SYTL2: variants seen among roughly 807,000 people sequenced by gnomAD.
SYTL2 encodes synaptotagmin-like protein 2.
SYTL2 carries 165 observed loss-of-function variants against 198.7 expected under a neutral mutation model. That is an observed-to-expected ratio of 0.83 (90% CI 0.73 to 0.94). SYTL2 has a LOEUF of 0.94. Among genes scored for constraint, SYTL2 ranks in the 40% least tolerant of loss-of-function variants. The pLI, the probability that SYTL2 is intolerant of heterozygous loss-of-function variation, is 0.00. For synonymous variants in SYTL2, 966 were observed against 917.7 expected, an observed-to-expected ratio of 1.05 and a Z score of -0.95; for missense variants, 2,835 against 2,582.8, an observed-to-expected ratio of 1.10 and a Z score of -2.12.
At chr11:85,821,862 G>C in the SYTL2 span, among the ~76,000 whole-genome samples, 1 of 152,204 alleles carries the variant, frequency 6.6e-6, no homozygotes, top group African/African-American at 2.4e-5. Flanking sequence ...CAGTGGGAGA[G>C]CACAACCACT....
intron 1 of SYTL2, among the ~76,000 whole-genome samples, chr11:85,805,621 G>A (rs1448379382): frequency 6.6e-6 from 1 of 152,182 alleles, no homozygotes; most frequent in African/African-American, 2.4e-5. Flanking sequence ...TGGCCGGGAG[G>A]GATGGCAGCA....
At chr11:85,800,452 A>AT (rs34340895) in intron 1 of SYTL2, among the ~76,000 whole-genome samples, 67,392 of 150,888 alleles carry the variant, frequency 0.45, 15,675 homozygotes, top group African/African-American at 0.58. Flanking sequence ...ATTTTTTTCT[A>AT]TTTTTCTGTA....
At position 85,725,917 on chromosome 11, in the gene SYTL2, T is replaced by A; in HGVS notation, c.3441A>T (p.Ala1147=). ...GAACTTTTCCACCAGAGGGTTGAAT[T>A]GCTGGTGTTGAGGTTTCTGAAAGCA... ...QKLLSETSTP[A]IQPSGGKVHG... is the part of the protein sequence containing the mutation. Residue 1147 remains alanine, a synonymous_variant, in exon 8 of 20, where the codon GCA becomes GCT. Coordinates refer to ENST00000359152, the MANE Select transcript of SYTL2 (RefSeq NM_206927.4). The A allele has an allele frequency of 6.2e-7, 1 of 1,614,134 alleles. No individual in the cohort carries two copies. Among genetic ancestry groups the A allele is most frequent in the Non-Finnish European group, 8.5e-7 (1 of 1,179,998 alleles).
At chr11:85,696,523 G>C (rs2083434633) in intron 18 of SYTL2, 135 bp from the exon 19 acceptor site, 2 of 723,314 alleles carry the variant, frequency 2.8e-6, no homozygotes, top group East Asian at 5.4e-5. Flanking sequence ...GTGGTGGTTT[G>C]GCAGACAGTG....
intron 1 of SYTL2, among the ~76,000 whole-genome samples, chr11:85,810,255 G>A (rs2093013899): frequency 6.6e-6 from 1 of 152,134 alleles, no homozygotes; most frequent in South Asian, 2.1e-4. Flanking sequence ...TTTTCATTAA[G>A]GCAGGAAGTG....
In SYTL2 at chr11:85,727,550, C is replaced by T. The variant is rs1281005532; in HGVS notation, c.1808G>A (p.Ser603Asn). ...QAEGDMLVSE[S>N]CQDNNVNIKS... ...GATATTCACATTATTATCTTGGCAA[C>T]TTTCAGAAACCAGCATATCTCCCTC... Residue 603 changes from serine (S) to asparagine (N), a missense_variant, in exon 8 of 20, where the codon AGT (serine) becomes AAT (asparagine). Ser to Asn is a conservative substitution (Grantham distance 46, BLOSUM62 1). Coordinates refer to ENST00000359152, the MANE Select transcript of SYTL2 (RefSeq NM_206927.4). 2 of 1,536,048 alleles carry T rather than the reference C, an allele frequency of 1.3e-6. No individual in the cohort carries two copies. Among genetic ancestry groups the T allele is most frequent in the Admixed American group, 3.9e-5 (2 of 50,980 alleles).
intron 1 of SYTL2, among the ~76,000 whole-genome samples, chr11:85,804,306 G>T (rs1592086377): frequency 6.6e-6 from 1 of 152,160 alleles, no homozygotes; most frequent in Admixed American, 6.5e-5. Context: ...CTAGAACTCA[G>T]TTTGCAGCTT....
chr11:85,777,242 G>A (rs2092467230), intron 1 of SYTL2, among the ~76,000 whole-genome samples: 1 of 152,142 alleles, frequency 6.6e-6, no homozygotes, highest in Admixed American at 6.5e-5. Flanking sequence ...CTTTTCCCTT[G>A]GCAGTAACAG....
intron 1 of SYTL2, among the ~76,000 whole-genome samples, chr11:85,799,695 C>A (rs572579025): frequency 1.1e-4 from 16 of 152,248 alleles, no homozygotes; most frequent in African/African-American, 3.9e-4. Context: ...TCTCAAATGC[C>A]ACCTCTTCCA....
At chr11:85,832,322 C>T in the SYTL2 span, among the ~76,000 whole-genome samples, 1 of 152,154 alleles carries the variant, frequency 6.6e-6, no homozygotes, top group African/African-American at 2.4e-5. Flanking sequence ...ATAATTTAGA[C>T]ATGTTTACAT....
Position 85,717,519 on chromosome 11 carries a change from C to G in SYTL2, c.5494G>C (p.Asp1832His), listed in dbSNP as rs1293120315. 3.1e-6 allele frequency: 5 copies of G among 1,612,920 alleles called. No individual in the cohort carries two copies. The highest frequency in any genetic ancestry group is 3.3e-5 in the Admixed American group (2 of 59,988). The change falls in exon 11 of 20, where the codon GAT (aspartate) becomes CAT (histidine). Residue 1832 changes from aspartate to histidine, a missense_variant. Transcript: ENST00000359152. ...VRSAEDDEKP[D>H]QKPVTNECVP... ...CATTCATTTGTAACTGGCTTCTGAT[C>G]TGGTTTCTCATCTACTCAGGAGGGC...
chr11:85,785,081 T>G (rs559052788), intron 1 of SYTL2, among the ~76,000 whole-genome samples: 1 of 152,160 alleles, frequency 6.6e-6, no homozygotes, highest in Admixed American at 6.5e-5. Flanking sequence ...AGGGGAAATT[T>G]GAGCCAAGAG....
chr11:85,724,785 G>A lies in SYTL2; in HGVS notation c.4573C>T (p.Pro1525Ser), dbSNP rs2088887980. The A allele has an allele frequency of 1.9e-6, 3 of 1,612,982 alleles. No homozygotes were observed. Among genetic ancestry groups the A allele is most frequent in the Non-Finnish European group, 2.5e-6 (3 of 1,179,674 alleles). ...TCTGTACTACCTATTAACTTTGATG[G>A]AGAAAGATTCCCTGTATCACTTTCA... ...KYESDTGNLS[P>S]SKLIGSTEEP... The change falls in exon 8 of 20, where the codon CCA (proline) becomes TCA (serine). Residue 1525 changes from proline (P) to serine (S), a missense_variant. Physicochemically the swap from Pro to Ser is moderately conservative, Grantham distance 74. Coordinates refer to ENST00000359152, the MANE Select transcript of SYTL2 (RefSeq NM_206927.4).
rs758999129 is a variant in SYTL2 at position 85,695,247 on chromosome 11, A to T, written c.6668T>A (p.Ile2223Asn). Residue 2223 changes from isoleucine (I) to asparagine (N), a missense_variant, in exon 20 of 20, where the codon ATT becomes AAT. Ile to Asn is a moderately radical substitution (Grantham distance 149, BLOSUM62 -3). Transcript: ENST00000359152. ...CATTCTGAGAGGCAGTGTTGCTTCA[A>T]TCCAAGTATTGGGGGAGTTTACCAT... is the stretch of plus-strand genomic sequence containing the variant. ...EKMVNSPNTW[I>N]EATLPLRMLL... 2 of 1,612,922 alleles carry T rather than the reference A, an allele frequency of 1.2e-6. No individual in the cohort carries two copies. The highest frequency in any genetic ancestry group is 2.7e-5 in the African/African-American group (2 of 74,908).
chr11:85,729,296 A>C (rs2089564988), intron 7 of SYTL2, among the ~76,000 whole-genome samples: 1 of 152,224 alleles, frequency 6.6e-6, no homozygotes, highest in African/African-American at 2.4e-5. Flanking sequence ...CGTTCTTCTC[A>C]GCACCACATC....
chr11:85,748,317 C>G lies in SYTL2; in HGVS notation c.208G>C (p.Asp70His). Reference sequence around the variant, plus strand: ...TTTCTCATAGATGCTCTGATGATATCTGCGCCATGGATTTTGTCCCTGTGC... The same window carrying G: ...TTTCTCATAGATGCTCTGATGATATGTGCGCCATGGATTTTGTCCCTGTGC... ...KRHRDKIHGA[D>H]IIRASMRKKR... is the part of the protein sequence containing the mutation. The change falls in exon 3 of 20, where the codon GAT (aspartate) becomes CAT (histidine). Residue 70 changes from aspartate to histidine, a missense_variant. By Grantham distance (81) the Asp-to-His change is moderately conservative (BLOSUM62 -1). Coordinates refer to ENST00000359152, the MANE Select transcript of SYTL2 (RefSeq NM_206927.4). The G allele has an allele frequency of 6.2e-7, 1 of 1,614,038 alleles. No individual in the cohort carries two copies. The highest frequency in any genetic ancestry group is 8.5e-7 in the Non-Finnish European group (1 of 1,179,926).
In SYTL2 at chr11:85,759,116, C is replaced by T. The variant is rs570338623; in HGVS notation, c.-389-1002G>A. ...CAAAAATTAGCTGGGTGTGGTGACA[C>T]ACGCCTGTAATCCCAGCTACTCAGG... On this transcript the variant is annotated intron_variant, in intron 1 of 19. Coordinates refer to ENST00000359152, the MANE Select transcript of SYTL2 (RefSeq NM_206927.4). Among the ~76,000 whole-genome samples the T allele has an allele frequency of 4.0e-5, 6 of 151,892 alleles. No individual in the cohort carries two copies. The East Asian group carries it at 1.2e-3, about 29-fold the overall frequency.
At chr11:85,706,826 T>C (rs2085236480) in intron 15 of SYTL2, among the ~76,000 whole-genome samples, 2 of 150,882 alleles carry the variant, frequency 1.3e-5, no homozygotes, top group South Asian at 4.2e-4. Context: ...TGGGTTTTTT[T>C]TGTTTTTTGT....
intron 14 of SYTL2, chr11:85,708,283 T>C (rs2085572980): frequency 4.0e-6 from 1 of 250,574 alleles, no homozygotes; most frequent in Non-Finnish European, 8.1e-6. Context: ...TTACCGTCTT[T>C]TGAAATAAAT....
Sources: allele counts gnomAD v4.1 joint callset (sites outside exome capture counted in the v4.1 genomes callset), GRCh38; gene constraint gnomAD v4.1.1; transcripts MANE v1.5; gene names NCBI Gene and HGNC (gene_info 2026-07-23, HGNC 2026-07-21).